Variants in EIF3J observed in about 807,000 individuals in gnomAD.
The protein encoded by EIF3J is eukaryotic translation initiation factor 3 subunit J, also known as eukaryotic translation initiation factor 3, subunit 1 (alpha, 35kD).
EIF3J carries 15 observed loss-of-function variants against 39.0 expected under a neutral mutation model. That is an observed-to-expected ratio of 0.38 (90% CI 0.26 to 0.59). The LOEUF is 0.59. Among genes scored for constraint, EIF3J ranks in the 20% least tolerant of loss-of-function variants. The pLI is 0.60. For synonymous variants in EIF3J, 98 were observed against 112.9 expected (o/e 0.87, Z 0.84); for missense variants, 226 against 308.6 (o/e 0.73, Z 2.00).
At chr15:44,547,681 C>T (rs1325126986) in intron 2 of EIF3J, among the ~76,000 whole-genome samples, 2 of 151,956 alleles carry the variant, frequency 1.3e-5, no homozygotes, top group Non-Finnish European at 2.9e-5. Context: ...AACTCCTGAC[C>T]TCGTGATCCG....
chr15:44,559,706 C>CA (rs557407192), intron 6 of EIF3J, among the ~76,000 whole-genome samples: 2,291 of 125,858 alleles, frequency 0.018, 37 homozygotes, highest in African/African-American at 0.042. Flanking sequence ...GACTCCATCT[C>CA]AAAAAAAAAA....
At chr15:44,537,548 C>T (rs941106170) in intron 2 of EIF3J, 121 bp downstream of exon 2, 5 of 1,033,806 alleles carry the variant, frequency 4.8e-6, no homozygotes, top group African/African-American at 3.4e-5. Context: ...AGCATAGGGC[C>T]TGGCGGTGCT....
intron 2 of EIF3J, chr15:44,550,657 G>C: frequency 2.5e-6 from 1 of 402,582 alleles, no homozygotes; most frequent in Non-Finnish European, 4.5e-6. Flanking sequence ...ACTTCTGAAA[G>C]GTACAAAAAT....
intron 2 of EIF3J, among the ~76,000 whole-genome samples, chr15:44,544,185 C>G (rs2082034580): frequency 6.7e-6 from 1 of 149,982 alleles, no homozygotes; most frequent in Non-Finnish European, 1.5e-5. Flanking sequence ...CCTCTGCCTC[C>G]CGGGTTCAAA....
chr15:44,546,191 A>G (rs1032286438), intron 2 of EIF3J, among the ~76,000 whole-genome samples: 1 of 152,222 alleles, frequency 6.6e-6, no homozygotes, highest in Admixed American at 6.5e-5. Flanking sequence ...ACGGCGAAAT[A>G]CAAACGTTTG....
chr15:44,557,659 T>C lies in EIF3J; in HGVS notation c.571+9T>C, dbSNP rs752171231. On this transcript the variant is annotated intron_variant, in intron 6 of 7. Coordinates refer to ENST00000261868, the MANE Select transcript of EIF3J (RefSeq NM_003758.4). ...AGATGTGTGTATTTCATGTAAGTAA[T>C]TCTAATTTCTAGCCCCTCTGGGTAG... The C allele has an allele frequency of 1.4e-6, 2 of 1,447,708 alleles. No individual in the cohort carries two copies. The highest frequency in any genetic ancestry group is 2.6e-5 in the Admixed American group (1 of 38,336). 89.7% of individuals were successfully genotyped at this position (1,447,708 alleles called of 1,614,324 possible). A position where few individuals can be genotyped will look rare whatever the true frequency, so the allele number is the denominator to read the frequency against.
In EIF3J at chr15:44,561,388, A is replaced by G; in HGVS notation, c.*239A>G. On this transcript the variant is annotated 3_prime_UTR_variant, in exon 8 of 8. Coordinates refer to ENST00000261868, the MANE Select transcript of EIF3J (RefSeq NM_003758.4). The stretch of plus-strand genomic sequence containing the variant: ...CTACTAAATCATAGTTCAAAACCTA[A>G]TAATGTTGTCGTTGTTGCTATCTGA... The G allele has an allele frequency of 6.1e-6, 2 of 330,156 alleles. No individual in the cohort carries two copies. Among genetic ancestry groups the G allele is most frequent in the East Asian group, 1.0e-4 (2 of 19,122 alleles). The allele number at this position is 330,156 out of a possible 1,614,324, so 20.5% of individuals were successfully genotyped here. A position where few individuals can be genotyped will look rare whatever the true frequency, so the allele number is the denominator to read the frequency against.
chr15:44,548,094 G>A (rs567575308), intron 2 of EIF3J, among the ~76,000 whole-genome samples: 89 of 152,150 alleles, frequency 5.8e-4, no homozygotes, highest in Non-Finnish European at 1.1e-3. Flanking sequence ...GGAAGGACTA[G>A]CTCTAGCTGA....
At chr15:44,537,511 G>C in intron 2 of EIF3J, 84 bp downstream of exon 2, 5 of 1,360,458 alleles carry the variant, frequency 3.7e-6, no homozygotes, top group Non-Finnish European at 4.8e-6. Flanking sequence ...TCGCTGCCGG[G>C]GCCTGCGGGC....
Position 44,537,203 on chromosome 15 carries a change from G to C in EIF3J, c.9G>C (p.Ala3=). The change falls in exon 1 of 8, where the codon GCG becomes GCC. Residue 3 remains alanine, a synonymous_variant. Transcript: ENST00000261868. ...CTCACACCCGGCTCGAGATGGCGGC[G>C]GCGGCGGCGGCGGCGGGGGACTCGG... is the stretch of plus-strand genomic sequence containing the variant. MA[A]AAAAAGDSDS... The C allele has an allele frequency of 1.2e-6, 2 of 1,604,776 alleles. No homozygotes were observed. Among genetic ancestry groups the C allele is most frequent in the Non-Finnish European group, 1.7e-6 (2 of 1,175,798 alleles).
intron 2 of EIF3J, among the ~76,000 whole-genome samples, chr15:44,539,796 C>G (rs1305646291): frequency 6.8e-6 from 1 of 147,070 alleles, no homozygotes; most frequent in African/African-American, 2.5e-5. Context: ...GAGAGAAGGT[C>G]TCACCCCGTT....
At chr15:44,547,582 G>T (rs117449359) in intron 2 of EIF3J, among the ~76,000 whole-genome samples, 1 of 151,146 alleles carries the variant, frequency 6.6e-6, no homozygotes, top group African/African-American at 2.4e-5. Flanking sequence ...CCAAGTAGTT[G>T]GGATTATAGG....
intron 3 of EIF3J, 61 bp downstream of exon 3, chr15:44,550,991 A>G (rs975309909): frequency 4.9e-5 from 76 of 1,555,294 alleles, no homozygotes; most frequent in Non-Finnish European, 5.6e-5. Flanking sequence ...TGTGACTTGT[A>G]TTAAGACAAA....
At chr15:44,542,121 T>C (rs961301600) in intron 2 of EIF3J, among the ~76,000 whole-genome samples, 1 of 152,182 alleles carries the variant, frequency 6.6e-6, no homozygotes, top group Non-Finnish European at 1.5e-5. Context: ...TTGTAGTATG[T>C]TAAAAGCTTA....
intron 4 of EIF3J, among the ~76,000 whole-genome samples, chr15:44,553,057 A>C (rs1448199434): frequency 1.3e-5 from 2 of 151,708 alleles, no homozygotes; most frequent in African/African-American, 4.8e-5. Flanking sequence ...GTGGTGGTAC[A>C]TGCCTGTAGT....
Position 44,548,180 on chromosome 15 carries a change from G to C in EIF3J, c.148-2696G>C, listed in dbSNP as rs142276855. Among the ~76,000 whole-genome samples the C allele has an allele frequency of 3.6e-3, 555 of 152,268 alleles. 24 individuals carry two copies. In the East Asian group the frequency reaches 0.087, roughly 24 times the overall value. ...CTCACGCCTGCAATCCCAGCACTTT[G>C]GGAGGCTGAGGATCACCTGATGTCA... is the stretch of plus-strand genomic sequence containing the variant. On this transcript the variant is annotated intron_variant, in intron 2 of 7. Transcript: ENST00000261868.
In EIF3J at chr15:44,537,165, C is replaced by T. The variant is rs201047569; in HGVS notation, c.-30C>T. 9 of 1,613,174 alleles carry T rather than the reference C, an allele frequency of 5.6e-6. No homozygotes were observed. Among genetic ancestry groups the T allele is most frequent in the Admixed American group, 1.7e-5 (1 of 59,980 alleles). On this transcript the variant is annotated 5_prime_UTR_variant, in exon 1 of 8. Coordinates refer to ENST00000261868, the MANE Select transcript of EIF3J (RefSeq NM_003758.4). The stretch of plus-strand genomic sequence containing the variant: ...CCGTGCTAACTCCTCGCTAGCTCTC[C>T]CTCTCACACACGCTCACACCCGGCT...
rs2082202962 is a variant in EIF3J at position 44,562,011 on chromosome 15, T to TGTTA, written c.*863_*866dup. 1.3e-5 allele frequency: 2 copies of TGTTA among 152,630 alleles called. No individual in the cohort carries two copies. Among genetic ancestry groups the TGTTA allele is most frequent in the African/African-American group, 4.8e-5 (2 of 41,438 alleles). 9.5% of individuals were successfully genotyped at this position (152,630 alleles called of 1,614,324 possible). A position where few individuals can be genotyped will look rare whatever the true frequency, so the allele number is the denominator to read the frequency against. ...ACCAGTTAACTACAGTTTGGTAAAT[T>TGTTA]GTTATGTTAACAATTATGACATCTG... is the stretch of plus-strand genomic sequence containing the variant. On this transcript the variant is annotated 3_prime_UTR_variant, in exon 8 of 8. Transcript: ENST00000261868.
At chr15:44,560,993 T>C (rs1387673710) in intron 7 of EIF3J, 25 bp from the exon 8 acceptor site, 2 of 1,610,868 alleles carry the variant, frequency 1.2e-6, no homozygotes, top group Non-Finnish European at 1.7e-6. Flanking sequence ...CTAAGGTTCA[T>C]GAATTAACTC....
Sources: gnomAD v4.1 joint callset for allele counts (sites outside exome capture counted in the v4.1 genomes callset) on GRCh38, gnomAD v4.1.1 for gene constraint, MANE v1.5 for transcripts, NCBI Gene and HGNC (gene_info 2026-07-23, HGNC 2026-07-21) for gene names.